The following ECM1 variants were observed in gnomAD, a reference collection of about 807,000 sequenced individuals.
The protein encoded by ECM1 is secretory component p85.
Under a neutral mutation model 57.9 loss-of-function variants are expected in ECM1, and 54 were observed. That is an observed-to-expected ratio of 0.93 (90% confidence interval 0.75 to 1.17). The LOEUF is 1.17. ECM1 is among the 50% of genes most tolerant of loss of function. The pLI is 0.00. For synonymous variants in ECM1, 237 were observed against 259.1 expected (o/e 0.91, Z 0.82); for missense variants, 649 against 688.1 (o/e 0.94, Z 0.64).
rs1221704764 is a variant in ECM1 at position 150,513,404 on chromosome 1, G to A, written c.1560G>A (p.Gln520=). Residue 520 remains glutamine (Q), a synonymous_variant, in exon 10 of 10, where the codon CAG becomes CAA. Coordinates refer to ENST00000369047, the MANE Select transcript of ECM1 (RefSeq NM_004425.4). ...GAGACACTGAGAACGCCAAGGGCCA[G>A]GGGGAGCAGGGCTCAACTGGAGGAA... The part of the protein sequence containing the change: ...VSGDTENAKG[Q]GEQGSTGGTN... 1.9e-6 allele frequency: 3 copies of A among 1,614,182 alleles called. No homozygotes were observed. In the African/African-American group the frequency reaches 4.0e-5, roughly 22 times the overall value.
At chr1:150,510,221 A>C in intron 5 of ECM1, 39 bp downstream of exon 5, 74 of 1,580,564 alleles carry the variant, frequency 4.7e-5, no homozygotes, top group Non-Finnish European at 6.1e-5. Context: ...CCTTTACCTC[A>C]TGGCCTTCCC....
chr1:150,509,543 C>T lies in ECM1; in HGVS notation c.83C>T (p.Thr28Ile), dbSNP rs775666704. The stretch of plus-strand genomic sequence containing the variant: ...TTCTTCCCTCCAGGCTTCACGGCTA[C>T]AGGACAGAGGCAGCTGAGGCCAGAG... ...SAASEGGFTATGQRQLRPEHF... is the reference protein window; with the variant it reads ...SAASEGGFTAIGQRQLRPEHF... The change falls in exon 2 of 10, where the codon ACA becomes ATA. Residue 28 changes from threonine to isoleucine, a missense_variant. Transcript: ENST00000369047. 6.2e-6 allele frequency: 10 copies of T among 1,614,168 alleles called. No individual in the cohort carries two copies.
At chr1:150,508,334 T>G (rs1228636324) in intron 1 of ECM1, 55 bp downstream of exon 1, 2 of 1,525,440 alleles carry the variant, frequency 1.3e-6, no homozygotes, top group African/African-American at 1.4e-5. Context: ...GGCAGGGGTC[T>G]GGGTCCAGGC....
intron 6 of ECM1, 110 bp from the exon 7 acceptor site, chr1:150,511,347 C>G: frequency 6.3e-7 from 1 of 1,598,740 alleles, no homozygotes. Context: ...GCCAGGGGAG[C>G]AGAGGACAAC....
At position 150,512,412 on chromosome 1, in the gene ECM1, T is replaced by A. The variant is rs375471875; in HGVS notation, c.1144T>A (p.Leu382Met). 11 of 1,613,308 alleles carry A rather than the reference T, an allele frequency of 6.8e-6. No homozygotes were observed. Among genetic ancestry groups the A allele is most frequent in the African/African-American group, 4.0e-5 (3 of 74,654 alleles). ...REYAVKTHHH[L>M]CCRHPPSPTR... ...GTATGCTGTGAAGACCCACCACCAC[T>A]TGTGTTGCCGCCACCCTCCCAGCCC... Residue 382 changes from leucine (L) to methionine (M), a missense_variant, in exon 8 of 10, where the codon TTG (leucine) becomes ATG (methionine). By Grantham distance (15) the Leu-to-Met change is conservative. Transcript: ENST00000369047.
rs1670430482 is a variant in ECM1 at position 150,511,185 on chromosome 1, G to A, written c.695G>A (p.Cys232Tyr). The change falls in exon 6 of 10, where the codon TGT (cysteine) becomes TAT (tyrosine). Residue 232 changes from cysteine to tyrosine, a missense_variant. Physicochemically the swap from Cys to Tyr is radical, Grantham distance 194. Transcript: ENST00000369047. ...CGCAGCCACACAAACCGCCTAGAGTGTGCCAAACTTGTGGTAAGGTTGGGT... is the reference window on the plus strand; with the variant it reads ...CGCAGCCACACAAACCGCCTAGAGTATGCCAAACTTGTGGTAAGGTTGGGT... ...HCRSHTNRLE[C>Y]AKLVWEEAMS... is the part of the protein sequence containing the mutation. 3.7e-6 allele frequency: 6 copies of A among 1,614,176 alleles called. No individual in the cohort carries two copies. Among genetic ancestry groups the A allele is most frequent in the Admixed American group, 1.7e-5 (1 of 60,026 alleles).
Position 150,511,885 on chromosome 1 carries a change from C to T in ECM1, c.1083+54C>T, listed in dbSNP as rs76435761. On this transcript the variant is annotated intron_variant, in intron 7 of 9. Coordinates refer to ENST00000369047, the MANE Select transcript of ECM1 (RefSeq NM_004425.4). ...GCCTGTTTGCCTGCCTGCCCATCTT[C>T]GACCTCTGATCCTGCCAGTCCATCC... is the stretch of plus-strand genomic sequence containing the variant. The T allele has an allele frequency of 3.1e-4, 479 of 1,557,418 alleles. 3 individuals carry two copies. The African/African-American group carries it at 4.7e-3, about 15-fold the overall frequency.
In ECM1 at chr1:150,512,806, G is replaced by A. The variant is rs926930243; in HGVS notation, c.1386G>A (p.Glu462=). ...TTCCAGAACAGGCCTGCTGTGCAGA[G>A]GAGGAGGTGAGTGTGTGGAGTCTAG... ...LPFPEQACCA[E]EEKLTFINDL... is the part of the protein sequence containing the mutation. The change falls in exon 9 of 10, where the codon GAG becomes GAA. Residue 462 remains glutamate (E), a synonymous_variant. Coordinates refer to ENST00000369047, the MANE Select transcript of ECM1 (RefSeq NM_004425.4). 1 of 1,614,170 alleles carries A rather than the reference G, an allele frequency of 6.2e-7. No homozygotes were observed. The highest frequency in any genetic ancestry group is 8.5e-7 in the Non-Finnish European group (1 of 1,180,010).
chr1:150,508,345 A>T lies in ECM1; in HGVS notation c.70+66A>T. 5 of 1,438,226 alleles carry T rather than the reference A, an allele frequency of 3.5e-6. No homozygotes were observed. The South Asian group carries it at 4.6e-5, about 13-fold the overall frequency. 89.1% of individuals were successfully genotyped at this position (1,438,226 alleles called of 1,614,324 possible). ...GCATGGCAGGGGTCTGGGTCCAGGC[A>T]TCCCAGACGGCTCATCACTAGCAGA... is the stretch of plus-strand genomic sequence containing the variant. On this transcript the variant is annotated intron_variant, in intron 1 of 9. Coordinates refer to ENST00000369047, the MANE Select transcript of ECM1 (RefSeq NM_004425.4).
chr1:150,511,717 C>T lies in ECM1; in HGVS notation c.969C>T (p.Arg323=). 6.2e-7 allele frequency: 1 copy of T among 1,614,146 alleles called. No homozygotes were observed. Among genetic ancestry groups the T allele is most frequent in the Non-Finnish European group, 8.5e-7 (1 of 1,180,020 alleles). The change falls in exon 7 of 10, where the codon CGC becomes CGT. Residue 323 remains arginine, a synonymous_variant. Coordinates refer to ENST00000369047, the MANE Select transcript of ECM1 (RefSeq NM_004425.4). The stretch of plus-strand genomic sequence containing the variant: ...TGAGGCGCTTCCGCTCTGTGCCACG[C>T]AACCTGCCAGCTACTGACCCCCTAC... ...CHLRRFRSVP[R]NLPATDPLQR...
Position 150,511,839 on chromosome 1 carries a change from G to A in ECM1, c.1083+8G>A. The A allele has an allele frequency of 1.3e-6, 2 of 1,595,058 alleles. No individual in the cohort carries two copies. Among genetic ancestry groups the A allele is most frequent in the Non-Finnish European group, 1.7e-6 (2 of 1,169,260 alleles). On this transcript the variant is annotated splice_region_variant and intron_variant, in intron 7 of 9. Coordinates refer to ENST00000369047, the MANE Select transcript of ECM1 (RefSeq NM_004425.4). ...ACCTGTACATGGAAGGCCGTAAGTG[G>A]GCGTCCCAGCCTCCCTGAGAGCCTG...
chr1:150,508,736 T>C (rs1420609974), intron 1 of ECM1, among the ~76,000 whole-genome samples: 1 of 152,008 alleles, frequency 6.6e-6, no homozygotes, highest in African/African-American at 2.4e-5. Context: ...CACAAACACA[T>C]TCTTTATCTG....
At position 150,509,770 on chromosome 1, in the gene ECM1, C is replaced by G; in HGVS notation, c.223+8C>G. The G allele has an allele frequency of 6.2e-7, 1 of 1,612,810 alleles. No individual in the cohort carries two copies. The highest frequency in any genetic ancestry group is 8.5e-7 in the Non-Finnish European group (1 of 1,179,406). ...TTGAGGGACAGAGTCAAGGTAAGGT[C>G]ACCATCCCATGCCCTCCTCAGTGAC... On this transcript the variant is annotated splice_region_variant and intron_variant, in intron 3 of 9. Coordinates refer to ENST00000369047, the MANE Select transcript of ECM1 (RefSeq NM_004425.4).
intron 6 of ECM1, 46 bp downstream of exon 6, chr1:150,511,244 C>A (rs1332900537): frequency 6.2e-7 from 1 of 1,608,706 alleles, no homozygotes; most frequent in Non-Finnish European, 8.5e-7. Flanking sequence ...TAACCCCAGA[C>A]AGTATGTGTG....
In ECM1 at chr1:150,511,851, T is replaced by C. The variant is rs1340216456; in HGVS notation, c.1083+20T>C. ...AAGGCCGTAAGTGGGCGTCCCAGCC[T>C]CCCTGAGAGCCTGTTTGCCTGCCTG... is the stretch of plus-strand genomic sequence containing the variant. On this transcript the variant is annotated intron_variant, in intron 7 of 9. Transcript: ENST00000369047. 6.3e-7 allele frequency: 1 copy of C among 1,585,940 alleles called. No individual in the cohort carries two copies. The highest frequency in any genetic ancestry group is 1.7e-5 in the Admixed American group (1 of 57,580).
Position 150,513,566 on chromosome 1 carries a change from T to A in ECM1, c.*99T>A. On this transcript the variant is annotated 3_prime_UTR_variant, in exon 10 of 10. Coordinates refer to ENST00000369047, the MANE Select transcript of ECM1 (RefSeq NM_004425.4). The stretch of plus-strand genomic sequence containing the variant: ...TAAACACCTCTTGGATTTGGTGTCC[T>A]CATTGTCTATCTAATGTCTCACCCG... The A allele has an allele frequency of 8.9e-7, 1 of 1,126,862 alleles. No individual in the cohort carries two copies. The highest frequency in any genetic ancestry group is 1.3e-6 in the Non-Finnish European group (1 of 792,572). The allele number at this position is 1,126,862 out of a possible 1,614,324, so 69.8% of individuals were successfully genotyped here.
In ECM1 at chr1:150,509,769, T is replaced by C. The variant is rs776523336; in HGVS notation, c.223+7T>C. On this transcript the variant is annotated splice_region_variant and intron_variant, in intron 3 of 9. Transcript: ENST00000369047. ...TTTGAGGGACAGAGTCAAGGTAAGGTCACCATCCCATGCCCTCCTCAGTGA... is the reference window on the plus strand; with the variant it reads ...TTTGAGGGACAGAGTCAAGGTAAGGCCACCATCCCATGCCCTCCTCAGTGA... 1.9e-6 allele frequency: 3 copies of C among 1,611,740 alleles called. No homozygotes were observed. The highest frequency in any genetic ancestry group is 2.5e-6 in the Non-Finnish European group (3 of 1,179,390).
In ECM1 at chr1:150,510,956, T is replaced by A. The variant is rs1480043332; in HGVS notation, c.466T>A (p.Ser156Thr). Residue 156 changes from serine (S) to threonine (T), a missense_variant, in exon 6 of 10, where the codon TCC becomes ACC. By Grantham distance (58) the Ser-to-Thr change is moderately conservative. Transcript: ENST00000369047. Reference sequence around the variant, plus strand: ...AGCCCAGCACTGCCAACAGGACCGGTCCCAAGGGGGCTGGGGCCACCGGCT... The same window carrying A: ...AGCCCAGCACTGCCAACAGGACCGGACCCAAGGGGGCTGGGGCCACCGGCT... ...NAAQHCQQDR[S>T]QGGWGHRLDG... 2 of 1,614,118 alleles carry A rather than the reference T, an allele frequency of 1.2e-6. No homozygotes were observed. The highest frequency in any genetic ancestry group is 8.5e-7 in the Non-Finnish European group (1 of 1,180,014).
rs1560265368 is a variant in ECM1 at position 150,510,884 on chromosome 1, G to A, written c.394G>A (p.Ala132Thr). The change falls in exon 6 of 10, where the codon GCT becomes ACT. Residue 132 changes from alanine (A) to threonine (T), a missense_variant. By Grantham distance (58) the Ala-to-Thr change is moderately conservative. Coordinates refer to ENST00000369047, the MANE Select transcript of ECM1 (RefSeq NM_004425.4). ...HPNEQKEGTP[A>T]PFGDQSHPEP... ...TGTTTTCCCCATTCCAGGAACGCCA[G>A]CTCCATTTGGGGACCAGAGCCATCC... 6.2e-7 allele frequency: 1 copy of A among 1,614,056 alleles called. No homozygotes were observed. The highest frequency in any genetic ancestry group is 2.2e-5 in the East Asian group (1 of 44,884).
Sources: gnomAD v4.1 joint callset for allele counts (sites outside exome capture counted in the v4.1 genomes callset) on GRCh38, gnomAD v4.1.1 for gene constraint, MANE v1.5 for transcripts, NCBI Gene and HGNC (gene_info 2026-07-23, HGNC 2026-07-21) for gene names.